Variants in RIIAD1 observed in about 807,000 individuals in gnomAD.
RIIAD1 encodes RIIa domain-containing protein 1.
Under a neutral mutation model 13.3 loss-of-function variants are expected in RIIAD1, and 15 were observed. The observed-to-expected ratio is 1.13, with a 90% CI of 0.76 to 1.74. The LOEUF (loss-of-function observed/expected upper bound fraction) is 1.74. Ranked by LOEUF, RIIAD1 falls within the 40% of genes most tolerant of loss-of-function variation. RIIAD1 has a pLI of 0.00. For synonymous variants in RIIAD1, 50 were observed against 43.3 expected (o/e 1.16, Z -0.61); for missense variants, 121 against 112.2 (o/e 1.08, Z -0.35).
intron 2 of RIIAD1, among the ~76,000 whole-genome samples, chr1:151,723,163 G>A (rs1357911837): frequency 1.3e-5 from 2 of 152,216 alleles, no homozygotes; most frequent in Non-Finnish European, 2.9e-5. Context: ...GGGAGGCCGA[G>A]GCGGGTGGAT....
intron 4 of RIIAD1, among the ~76,000 whole-genome samples, chr1:151,714,941 C>T (rs925933892): frequency 1.3e-5 from 2 of 151,840 alleles, no homozygotes; most frequent in Non-Finnish European, 2.9e-5. Flanking sequence ...GAGAGAAGGA[C>T]CATGTGACCG....
upstream of RIIAD1, among the ~76,000 whole-genome samples, chr1:151,720,789 G>T (rs541763387): frequency 7.8e-4 from 118 of 152,254 alleles, no homozygotes; most frequent in African/African-American, 2.7e-3. Context: ...CTTTCTCGTG[G>T]CTATTTTCAG....
chr1:151,715,308 T>TCCC (rs1673386589), intron 4 of RIIAD1, among the ~76,000 whole-genome samples: 1 of 151,680 alleles, frequency 6.6e-6, no homozygotes, highest in Non-Finnish European at 1.5e-5. Flanking sequence ...CCCTCCCTTC[T>TCCC]CCCCCACTCT....
At chr1:151,717,331 G>A (rs1025811537), upstream of RIIAD1, among the ~76,000 whole-genome samples, 6 of 152,190 alleles carry the variant, frequency 3.9e-5, no homozygotes, top group Non-Finnish European at 7.3e-5. Flanking sequence ...AATGGAAAGG[G>A]ACGTGGAGAA....
intron 2 of RIIAD1, among the ~76,000 whole-genome samples, chr1:151,725,460 TG>T (rs1246452050): frequency 2.0e-5 from 3 of 152,156 alleles, no homozygotes; most frequent in Non-Finnish European, 2.9e-5. Flanking sequence ...TTTTTGGGTT[TG>T]TTTTTAAAAA....
At position 151,727,607 on chromosome 1, in the gene RIIAD1, T is replaced by G. The variant is rs1673855431; in HGVS notation, c.194T>G (p.Leu65Arg). 1 of 1,550,102 alleles carries G rather than the reference T, an allele frequency of 6.5e-7. No homozygotes were observed. Among genetic ancestry groups the G allele is most frequent in the African/African-American group, 1.4e-5 (1 of 73,114 alleles). Residue 65 changes from leucine to arginine, a missense_variant, in exon 3 of 5, where the codon CTA becomes CGA. Coordinates refer to ENST00000479191, the MANE Select transcript of RIIAD1 (RefSeq NM_001144956.3). ...EIFLKRPDNI[L>R]EFAADYFTDP... is the part of the protein sequence containing the mutation. ...TTTTTGAAAAGACCAGACAACATCCTAGAATTTGCTGCAGGTGAGTAAGGC... is the reference window on the plus strand; with the variant it reads ...TTTTTGAAAAGACCAGACAACATCCGAGAATTTGCTGCAGGTGAGTAAGGC...
intron 1 of RIIAD1, chr1:151,721,830 C>CT: frequency 1.7e-6 from 1 of 580,598 alleles, no homozygotes; most frequent in Non-Finnish European, 3.1e-6. Context: ...GCAGGAAGAA[C>CT]TAACTCAGGG....
chr1:151,714,333 G>A, intron 3 of RIIAD1: 1 of 604,980 alleles, frequency 1.7e-6, no homozygotes, highest in Non-Finnish European at 2.9e-6. Flanking sequence ...TTGCCCCATG[G>A]GCAGCTTGGG....
intron 4 of RIIAD1, 30 bp downstream of exon 4, chr1:151,728,923 G>C: frequency 1.4e-6 from 1 of 730,664 alleles, no homozygotes; most frequent in Non-Finnish European, 2.4e-6. Flanking sequence ...ACAGACAGAG[G>C]CTTCTTTACT....
At chr1:151,716,253 G>C in intron 4 of RIIAD1, 1 of 488,040 alleles carries the variant, frequency 2.0e-6, no homozygotes, top group Non-Finnish European at 3.6e-6. Context: ...CCACCAGGGG[G>C]CATCGCCTAA....
intron 4 of RIIAD1, among the ~76,000 whole-genome samples, chr1:151,714,974 G>A (rs548480896): frequency 3.4e-4 from 51 of 151,872 alleles, no homozygotes; most frequent in Non-Finnish European, 6.2e-4. Context: ...GAGTAGTGTG[G>A]CTTTCTCTCC....
chr1:151,724,803 A>AT (rs34697115), intron 2 of RIIAD1, among the ~76,000 whole-genome samples: 85,610 of 146,380 alleles, frequency 0.58, 27,008 homozygotes, highest in Middle Eastern at 0.74. Context: ...TGTAGAAAGT[A>AT]TTTTTTTTTT....
intron 1 of RIIAD1, 86 bp from the exon 2 acceptor site, chr1:151,722,000 G>GC (rs1673745367): frequency 1.1e-6 from 1 of 920,728 alleles, no homozygotes; most frequent in Admixed American, 2.2e-5. Context: ...AAATGCGCAC[G>GC]CCGTTTCCCG....
At chr1:151,716,078 G>A (rs1247225544) in intron 4 of RIIAD1, 2 of 1,526,234 alleles carry the variant, frequency 1.3e-6, no homozygotes, top group South Asian at 1.3e-5. Context: ...AGGCCAAGGG[G>A]AGCTGCCCAG....
chr1:151,715,065 A>G (rs1673359134), intron 4 of RIIAD1, among the ~76,000 whole-genome samples: 1 of 151,142 alleles, frequency 6.6e-6, no homozygotes, highest in African/African-American at 2.4e-5. Context: ...CTCTTCTCCC[A>G]TTTTCCCTAT....
intron 4 of RIIAD1, chr1:151,714,587 G>A (rs1673304688): frequency 1.2e-5 from 19 of 1,552,404 alleles, no homozygotes; most frequent in Admixed American, 2.0e-5. Flanking sequence ...CAAAGGGCAG[G>A]ACTCACCCCT....
chr1:151,712,796 G>T (rs1340515874), intron 2 of RIIAD1, among the ~76,000 whole-genome samples: 1 of 152,154 alleles, frequency 6.6e-6, no homozygotes, highest in East Asian at 1.9e-4. Flanking sequence ...AGGAGAGGGG[G>T]CTAAATGTCT....
chr1:151,712,542 G>C (rs758332960), intron 2 of RIIAD1, among the ~76,000 whole-genome samples: 1 of 152,182 alleles, frequency 6.6e-6, no homozygotes, highest in Admixed American at 6.5e-5. Flanking sequence ...AGGGTGAAGG[G>C]GGAAGAGCTG....
chr1:151,726,566 G>A (rs530102695), intron 2 of RIIAD1, among the ~76,000 whole-genome samples: 10 of 152,136 alleles, frequency 6.6e-5, no homozygotes, highest in African/African-American at 2.4e-4. Flanking sequence ...ACAAGACCTG[G>A]GCCCTCTTTA....
Sources: allele counts gnomAD v4.1 joint callset (sites outside exome capture counted in the v4.1 genomes callset), GRCh38; gene constraint gnomAD v4.1.1; transcripts MANE v1.5; gene names NCBI Gene and HGNC (gene_info 2026-07-23, HGNC 2026-07-21).